ZMAT5: variants seen among roughly 807,000 people sequenced by gnomAD.
The protein encoded by ZMAT5 is zinc finger matrin-type protein 5.
A neutral mutation model predicts 28.0 loss-of-function variants in ZMAT5; 23 were observed. The ratio of observed to expected loss-of-function variants is 0.82; its 90% CI spans 0.59 to 1.16. The LOEUF is 1.16. Ranked by LOEUF, ZMAT5 falls within the 50% of genes most tolerant of loss-of-function variation. The probability of loss-of-function intolerance (pLI) is 0.00; values close to 1 mark genes in which losing one functional copy is unlikely to be tolerated. For synonymous variants in ZMAT5, 76 were observed against 84.1 expected (o/e 0.90, Z 0.52); for missense variants, 173 against 212.7 (o/e 0.81, Z 1.16).
chr22:29,748,618 T>C, intron 1 of ZMAT5, 47 bp from the exon 2 acceptor site: 1 of 1,600,342 alleles, frequency 6.2e-7, no homozygotes, highest in Non-Finnish European at 8.5e-7. Flanking sequence ...AGAAAACACA[T>C]CCCTCACCAG....
chr22:29,757,216 C>CA (rs776485867), intron 1 of ZMAT5, among the ~76,000 whole-genome samples: 5,452 of 40,438 alleles, frequency 0.13, 545 homozygotes, highest in African/African-American at 0.33. Context: ...ACCCCAATCT[C>CA]AAAAAAAAAA....
intron 1 of ZMAT5, among the ~76,000 whole-genome samples, chr22:29,752,138 C>T (rs1196397021): frequency 6.6e-6 from 1 of 152,166 alleles, no homozygotes; most frequent in African/African-American, 2.4e-5. Context: ...GGGGCCCCAG[C>T]TCACACACAT....
At chr22:29,739,528 C>T (rs1377123040) in intron 4 of ZMAT5, among the ~76,000 whole-genome samples, 2 of 152,216 alleles carry the variant, frequency 1.3e-5, no homozygotes, top group Non-Finnish European at 2.9e-5. Context: ...GGTTAAGCCA[C>T]GTACCAAGGT....
intron 1 of ZMAT5, among the ~76,000 whole-genome samples, chr22:29,757,267 A>C (rs992229224): frequency 6.6e-6 from 1 of 151,788 alleles, no homozygotes; most frequent in Non-Finnish European, 1.5e-5. Flanking sequence ...ACAGAAAGAA[A>C]TGCTAGCCTA....
At chr22:29,733,998 A>T (rs1414329664) in intron 5 of ZMAT5, among the ~76,000 whole-genome samples, 1 of 152,008 alleles carries the variant, frequency 6.6e-6, no homozygotes, top group Non-Finnish European at 1.5e-5. Context: ...GACAGGAGCC[A>T]CTCTCTTGCA....
chr22:29,731,330 G>C lies in ZMAT5; in HGVS notation c.408C>G (p.Val136=), dbSNP rs2067841307. 3 of 1,537,552 alleles carry C rather than the reference G, an allele frequency of 2.0e-6. No homozygotes were observed. Among genetic ancestry groups the C allele is most frequent in the African/African-American group, 2.9e-5 (2 of 69,744 alleles). Residue 136 remains valine, a synonymous_variant, in exon 6 of 6, where the codon GTC becomes GTG. Transcript: ENST00000344318. ...SSRAEPIRTT[V]FQYPVGWPPV... ...GTGGCCAGCCCACGGGGTACTGGAA[G>C]ACAGTGGTTCTGATGGGTTCAGCCC...
At chr22:29,750,981 G>A (rs1441962270) in intron 1 of ZMAT5, among the ~76,000 whole-genome samples, 1 of 152,222 alleles carries the variant, frequency 6.6e-6, no homozygotes, top group Non-Finnish European at 1.5e-5. Context: ...CATTACTGCA[G>A]AGGGACCGTG....
intron 1 of ZMAT5, among the ~76,000 whole-genome samples, chr22:29,749,394 C>T (rs868401593): frequency 6.6e-6 from 1 of 152,150 alleles, no homozygotes; most frequent in Non-Finnish European, 1.5e-5. Flanking sequence ...CTGACCTCCA[C>T]ATTTGCATCA....
At chr22:29,735,131 T>A (rs1193076209) in intron 5 of ZMAT5, among the ~76,000 whole-genome samples, 2 of 152,138 alleles carry the variant, frequency 1.3e-5, no homozygotes, top group East Asian at 3.9e-4. Context: ...GGGGTGTGGA[T>A]GCAGGGGAGG....
chr22:29,761,359 T>C (rs1010725534), intron 1 of ZMAT5, among the ~76,000 whole-genome samples: 2 of 151,742 alleles, frequency 1.3e-5, no homozygotes, highest in African/African-American at 4.8e-5. Context: ...GGAGGATCAC[T>C]TGAGCCCAGG....
rs575511638 is a variant in ZMAT5 at position 29,748,977 on chromosome 22, G to A, written c.-27-406C>T. 3.9e-5 allele frequency among the ~76,000 whole-genome samples: 6 copies of A among 152,044 alleles called. No individual in the cohort carries two copies. In the South Asian group the frequency reaches 1.2e-3, roughly 32 times the overall value. ...CAGGCATGAGCCACTGTGCCTGGCT[G>A]CTGTTTGGTAGTTTTTAAAGTCTAT... On this transcript the variant is annotated intron_variant, in intron 1 of 5. Coordinates refer to ENST00000344318, the MANE Select transcript of ZMAT5 (RefSeq NM_001003692.2).
At chr22:29,739,351 G>C (rs2067939358) in intron 4 of ZMAT5, among the ~76,000 whole-genome samples, 1 of 152,190 alleles carries the variant, frequency 6.6e-6, no homozygotes, top group Non-Finnish European at 1.5e-5. Context: ...CTCAGAGCCA[G>C]GCCCCAGTCT....
chr22:29,731,375 G>T, intron 5 of ZMAT5, 21 bp from the exon 6 acceptor site: 2 of 1,542,714 alleles, frequency 1.3e-6, no homozygotes, highest in South Asian at 1.3e-5. Context: ...AGAGAGAAGC[G>T]GGGAGAATAA....
At chr22:29,759,594 G>A (rs775916234) in intron 1 of ZMAT5, among the ~76,000 whole-genome samples, 2 of 151,732 alleles carry the variant, frequency 1.3e-5, no homozygotes, top group Non-Finnish European at 2.9e-5. Flanking sequence ...GTGAGACCCC[G>A]TCTCTAAAAA....
At chr22:29,738,591 C>T (rs955163005) in intron 4 of ZMAT5, 150 bp from the exon 5 acceptor site, 12 of 644,754 alleles carry the variant, frequency 1.9e-5, no homozygotes, top group Non-Finnish European at 3.2e-5. Flanking sequence ...GACTGCTTCT[C>T]CAGGCCATCT....
At position 29,740,688 on chromosome 22, in the gene ZMAT5, G is replaced by A. The variant is rs764604506; in HGVS notation, c.233C>T (p.Ser78Leu). 1.9e-6 allele frequency: 3 copies of A among 1,605,328 alleles called. No homozygotes were observed. The African/African-American group carries it at 4.0e-5, about 21-fold the overall frequency. ...GCTCAGCTCCTGCAGGTCTCGCTCT[G>A]ACATGTGGGAAAATCTGCAGTTGGA... ...FGSNCRFSHM[S>L]ERDLQELSIQ... The change falls in exon 4 of 6, where the codon TCA becomes TTA. Residue 78 changes from serine (S) to leucine (L), a missense_variant. Coordinates refer to ENST00000344318, the MANE Select transcript of ZMAT5 (RefSeq NM_001003692.2).
chr22:29,760,551 A>G (rs997193872), intron 1 of ZMAT5, among the ~76,000 whole-genome samples: 3 of 152,146 alleles, frequency 2.0e-5, no homozygotes, highest in Non-Finnish European at 4.4e-5. Context: ...AAACAAAAAA[A>G]TAGTCTCCTG....
At chr22:29,743,171 T>C (rs2067979177) in intron 2 of ZMAT5, among the ~76,000 whole-genome samples, 1 of 152,166 alleles carries the variant, frequency 6.6e-6, no homozygotes. Flanking sequence ...TGTGAATCTA[T>C]AATTATTTCA....
At chr22:29,742,218 T>C (rs1392856429) in intron 3 of ZMAT5, among the ~76,000 whole-genome samples, 200 bp downstream of exon 3, 1 of 152,192 alleles carries the variant, frequency 6.6e-6, no homozygotes, top group Non-Finnish European at 1.5e-5. Context: ...ATTCTAGATC[T>C]GAAGAGCTGA....
Sources: gnomAD v4.1 joint callset for allele counts (sites outside exome capture counted in the v4.1 genomes callset) on GRCh38, gnomAD v4.1.1 for gene constraint, MANE v1.5 for transcripts, NCBI Gene and HGNC (gene_info 2026-07-23, HGNC 2026-07-21) for gene names.